The following UMAD1 variants were observed in gnomAD, a reference collection of about 807,000 sequenced individuals.
The protein encoded by UMAD1 is UBAP1-MVB12-associated (UMA) domain containing 1.
A neutral mutation model predicts 6.1 loss-of-function variants in UMAD1; 8 were observed. The ratio of observed to expected loss-of-function variants is 1.30; its 90% CI spans 0.76 to 2.35. The LOEUF (loss-of-function observed/expected upper bound fraction) is 2.35, where lower values mean the gene tolerates loss of function less well. Ranked by LOEUF, UMAD1 falls within the 30% of genes most tolerant of loss-of-function variation. UMAD1 has a pLI of 0.00. For missense variants in UMAD1, 130 were observed against 78.4 expected (o/e 1.66, Z -2.49); for synonymous variants, 56 against 31.4 (o/e 1.78, Z -2.61).
chr7:7,699,047 TG>T (rs914697885), intron 2 of UMAD1, among the ~76,000 whole-genome samples: 13 of 121,588 alleles, frequency 1.1e-4, no homozygotes, highest in Non-Finnish European at 1.6e-4. Flanking sequence ...TGTGTGTGTG[TG>T]TGGGGGGGGG....
chr7:7,680,098 A>G (rs530998141), intron 2 of UMAD1, among the ~76,000 whole-genome samples: 41 of 152,090 alleles, frequency 2.7e-4, no homozygotes, highest in Non-Finnish European at 5.3e-4. Flanking sequence ...GTGGGGTATT[A>G]CTCAAGAAAT....
At chr7:7,867,411 A>G (rs1784253888) in intron 3 of UMAD1, among the ~76,000 whole-genome samples, 1 of 152,192 alleles carries the variant, frequency 6.6e-6, no homozygotes, top group Non-Finnish European at 1.5e-5. Context: ...AAGGAACAGA[A>G]ATGGAACCCT....
At chr7:7,835,049 A>G (rs1783540376) in intron 3 of UMAD1, among the ~76,000 whole-genome samples, 1 of 152,172 alleles carries the variant, frequency 6.6e-6, no homozygotes, top group Admixed American at 6.5e-5. Flanking sequence ...TGATCTAATC[A>G]CTTCTCTCAA....
At chr7:7,699,036 G>C (rs58798864) in intron 2 of UMAD1, among the ~76,000 whole-genome samples, 2,793 of 122,568 alleles carry the variant, frequency 0.023, 86 homozygotes, top group African/African-American at 0.079. Context: ...TATATAGTTT[G>C]TGTGTGTGTG....
At chr7:7,774,032 G>A (rs992293992) in intron 2 of UMAD1, among the ~76,000 whole-genome samples, 3 of 152,132 alleles carry the variant, frequency 2.0e-5, no homozygotes, top group African/African-American at 7.2e-5. Context: ...TGAGAATCAG[G>A]CCATCCATTC....
At chr7:7,686,069 G>C (rs1193055875) in intron 2 of UMAD1, 1 of 152,232 alleles carries the variant, frequency 6.6e-6, no homozygotes, top group African/African-American at 2.4e-5. Flanking sequence ...ATTTAGTATA[G>C]CTACTTGGGA....
At position 7,828,835 on chromosome 7, in the gene UMAD1, A is replaced by G. The variant is rs544735580; in HGVS notation, c.156+27092A>G. 9.2e-5 allele frequency among the ~76,000 whole-genome samples: 14 copies of G among 152,282 alleles called. No homozygotes were observed. The South Asian group carries it at 2.9e-3, about 32-fold the overall frequency. On this transcript the variant is annotated intron_variant, in intron 3 of 3. Coordinates refer to ENST00000682710, the MANE Select transcript of UMAD1 (RefSeq NM_001302348.2). ...GAACAGATCAGAGGGAATTACGACA[A>G]GAAAATCGACTGGCCCAGGTCTTCT... is the stretch of plus-strand genomic sequence containing the variant.
intron 3 of UMAD1, among the ~76,000 whole-genome samples, chr7:7,805,892 T>G (rs199746167): frequency 0.094 from 14,311 of 152,256 alleles, 767 homozygotes; most frequent in Non-Finnish European, 0.12. Flanking sequence ...ACTTAATCAC[T>G]ATGTCGGATT....
chr7:7,648,892 C>T (rs1212081218), intron 1 of UMAD1, among the ~76,000 whole-genome samples: 1 of 151,694 alleles, frequency 6.6e-6, no homozygotes, highest in Non-Finnish European at 1.5e-5. Context: ...GGCGCGGTCG[C>T]TCACACTTGT....
At chr7:7,688,999 A>G (rs148782611) in intron 2 of UMAD1, among the ~76,000 whole-genome samples, 2 of 152,338 alleles carry the variant, frequency 1.3e-5, no homozygotes, top group East Asian at 3.9e-4. Flanking sequence ...ATTAGTAAGC[A>G]TTCAGACTAA....
At chr7:7,741,300 G>A (rs1781459169) in intron 2 of UMAD1, among the ~76,000 whole-genome samples, 1 of 151,512 alleles carries the variant, frequency 6.6e-6, no homozygotes, top group African/African-American at 2.4e-5. Flanking sequence ...GGCCTGGCGC[G>A]GTGGCTCACG....
At chr7:7,831,704 G>A (rs757367567) in intron 3 of UMAD1, among the ~76,000 whole-genome samples, 4 of 152,098 alleles carry the variant, frequency 2.6e-5, no homozygotes, top group African/African-American at 4.8e-5. Context: ...CATTGACACC[G>A]TTGGGATAAT....
At chr7:7,688,740 A>ACCTC (rs1357138745) in intron 2 of UMAD1, among the ~76,000 whole-genome samples, 1 of 151,988 alleles carries the variant, frequency 6.6e-6, no homozygotes, top group Non-Finnish European at 1.5e-5. Flanking sequence ...TTATGTTGTA[A>ACCTC]CCTCCTAAAG....
chr7:7,813,340 G>A (rs1340041407), intron 3 of UMAD1, among the ~76,000 whole-genome samples: 1 of 152,064 alleles, frequency 6.6e-6, no homozygotes, highest in Non-Finnish European at 1.5e-5. Context: ...AAGTAGCTGG[G>A]ACTACAGGCA....
At chr7:7,684,844 T>C (rs1308526243) in intron 2 of UMAD1, among the ~76,000 whole-genome samples, 3 of 152,182 alleles carry the variant, frequency 2.0e-5, no homozygotes, top group Non-Finnish European at 4.4e-5. Flanking sequence ...TACAACTATT[T>C]GGGGGTAGTT....
chr7:7,877,422 G>A lies in UMAD1; in HGVS notation c.298G>A (p.Val100Ile). ...PFTLAPHVLA[V>I]QGTITDLPDH... is the part of the protein sequence containing the mutation. ...CACCCTGGCCCCGCATGTGCTGGCA[G>A]TACAGGGCACCATCACTGACCTTCC... is the stretch of plus-strand genomic sequence containing the variant. Residue 100 changes from valine (V) to isoleucine (I), a missense_variant, in exon 4 of 4, where the codon GTA becomes ATA. Transcript: ENST00000682710. 1 of 717,752 alleles carries A rather than the reference G, an allele frequency of 1.4e-6. No individual in the cohort carries two copies. Among genetic ancestry groups the A allele is most frequent in the Non-Finnish European group, 2.6e-6 (1 of 385,162 alleles). 44.5% of individuals were successfully genotyped at this position (717,752 alleles called of 1,614,324 possible).
chr7:7,805,396 A>G (rs1782892065), intron 3 of UMAD1, among the ~76,000 whole-genome samples: 1 of 152,108 alleles, frequency 6.6e-6, no homozygotes, highest in Non-Finnish European at 1.5e-5. Flanking sequence ...CTCACACTGC[A>G]CATCCAGTCT....
intron 2 of UMAD1, among the ~76,000 whole-genome samples, chr7:7,730,292 T>C (rs1258128558): frequency 6.6e-6 from 1 of 152,170 alleles, no homozygotes; most frequent in Non-Finnish European, 1.5e-5. Flanking sequence ...CCTAGAGATT[T>C]TGATGTAATT....
intron 2 of UMAD1, among the ~76,000 whole-genome samples, chr7:7,690,157 C>T (rs1212701994): frequency 6.6e-6 from 1 of 152,142 alleles, no homozygotes; most frequent in African/African-American, 2.4e-5. Context: ...GTTATTAAGT[C>T]AGCAATTCTG....
Sources: gnomAD v4.1 joint callset for allele counts (sites outside exome capture counted in the v4.1 genomes callset) on GRCh38, gnomAD v4.1.1 for gene constraint, MANE v1.5 for transcripts, NCBI Gene and HGNC (gene_info 2026-07-23, HGNC 2026-07-21) for gene names.